Variants in AGPS observed in about 807,000 individuals in gnomAD.
AGPS encodes alkylglycerone phosphate synthase.
In AGPS, 26 loss-of-function variants were observed where a neutral mutation model predicts 90.7. That is an observed-to-expected ratio of 0.29 (90% CI 0.21 to 0.40). The LOEUF is 0.40. AGPS is among the 10% of genes least tolerant of loss of function. AGPS has a pLI of 1.00. For missense variants in AGPS, 540 were observed against 816.1 expected, an observed-to-expected ratio of 0.66 and a Z score of 4.12; for synonymous variants, 294 against 285.3, an observed-to-expected ratio of 1.03 and a Z score of -0.31.
intron 19 of AGPS, among the ~76,000 whole-genome samples, chr2:177,530,712 A>G (rs1278132202): frequency 2.0e-5 from 3 of 152,216 alleles, no homozygotes; most frequent in Non-Finnish European, 4.4e-5. Context: ...GTCTGCCTAC[A>G]ATCATGCTGT....
chr2:177,485,513 GTA>G (rs1210260166), intron 11 of AGPS, among the ~76,000 whole-genome samples: 1 of 152,178 alleles, frequency 6.6e-6, no homozygotes, highest in Non-Finnish European at 1.5e-5. Flanking sequence ...TGAAAAGCAA[GTA>G]TGGAATTTTC....
intron 12 of AGPS, among the ~76,000 whole-genome samples, chr2:177,495,782 T>C (rs569166657): frequency 1.3e-5 from 2 of 150,696 alleles, no homozygotes; most frequent in East Asian, 3.9e-4. Flanking sequence ...GCTGGGCATG[T>C]TGGCGAGCAC....
At chr2:177,467,298 A>G (rs944466606) in intron 9 of AGPS, among the ~76,000 whole-genome samples, 1 of 152,228 alleles carries the variant, frequency 6.6e-6, no homozygotes, top group African/African-American at 2.4e-5. Context: ...GAGTTATATA[A>G]TTCTTTTATT....
intron 18 of AGPS, among the ~76,000 whole-genome samples, chr2:177,522,623 T>G (rs1689230936): frequency 6.6e-6 from 1 of 152,054 alleles, no homozygotes; most frequent in Non-Finnish European, 1.5e-5. Context: ...CTGGCTAATT[T>G]TTTGTATTTT....
At chr2:177,434,996 G>GT (rs1559044446) in intron 3 of AGPS, among the ~76,000 whole-genome samples, 3 of 2,962 alleles carry the variant, frequency 1.0e-3, no homozygotes, top group Admixed American at 6.8e-3. Context: ...TTAAACTGTA[G>GT]GTATATATAT....
At chr2:177,531,247 A>G (rs1574037363) in intron 19 of AGPS, among the ~76,000 whole-genome samples, 1 of 152,330 alleles carries the variant, frequency 6.6e-6, no homozygotes, top group East Asian at 1.9e-4. Flanking sequence ...TGTAGGTGCC[A>G]TTATTGACTA....
rs545764546 is a variant in AGPS, at chr2:177,421,852, T to A, written c.350+1494T>A. On this transcript the variant is annotated intron_variant, in intron 2 of 19. Coordinates refer to ENST00000264167, the MANE Select transcript of AGPS (RefSeq NM_003659.4). ...CTCTCTTCTCGGACACTGTCCTCAT[T>A]TCTCCTTCTCTTTTTCTCTGTGTTT... Among the ~76,000 whole-genome samples the A allele has an allele frequency of 8.5e-5, 13 of 152,302 alleles. No individual in the cohort carries two copies. The East Asian group carries it at 2.5e-3, about 29-fold the overall frequency.
chr2:177,398,139 A>G (rs1185032434), intron 1 of AGPS, among the ~76,000 whole-genome samples: 2 of 152,264 alleles, frequency 1.3e-5, no homozygotes, highest in Non-Finnish European at 2.9e-5. Flanking sequence ...ATATTTCCCA[A>G]GAGGGTATCC....
In AGPS at chr2:177,497,835, G is replaced by A; in HGVS notation, c.1362+70G>A. 3.7e-6 allele frequency: 3 copies of A among 804,286 alleles called. No individual in the cohort carries two copies. The South Asian group carries it at 5.2e-5, about 14-fold the overall frequency. 49.8% of individuals were successfully genotyped at this position (804,286 alleles called of 1,614,324 possible). A position where few individuals can be genotyped will look rare whatever the true frequency, so the allele number is the denominator to read the frequency against. ...TCTGTTTTCTGCTTTCTTCCCACAT[G>A]CACCTATTGTAAGGGTGTTTTTCCA... On this transcript the variant is annotated intron_variant, in intron 13 of 19. Coordinates refer to ENST00000264167, the MANE Select transcript of AGPS (RefSeq NM_003659.4).
At chr2:177,483,150 A>G (rs536600147) in intron 11 of AGPS, among the ~76,000 whole-genome samples, 2 of 152,312 alleles carry the variant, frequency 1.3e-5, no homozygotes, top group African/African-American at 4.8e-5. Flanking sequence ...CAAGTAGTCT[A>G]TGTTTATCTT....
intron 1 of AGPS, among the ~76,000 whole-genome samples, chr2:177,419,696 C>T (rs1224780970): frequency 1.3e-5 from 2 of 151,702 alleles, no homozygotes; most frequent in Non-Finnish European, 3.0e-5. Flanking sequence ...TGAGTATGGC[C>T]ATTAACTGTT....
rs554164770 is a variant in AGPS at position 177,479,798 on chromosome 2, T to C, written c.1106-2261T>C. Among the ~76,000 whole-genome samples, 121 of 152,304 alleles carry C rather than the reference T, an allele frequency of 7.9e-4. 1 individual carries two copies. Among genetic ancestry groups the C allele is most frequent in the African/African-American group, 2.9e-3 (120 of 41,568 alleles). ...GTAGAAATGGAGAGGGTTTGTTTAG[T>C]GGATATGGTTTCTTTTTTGGGATGA... On this transcript the variant is annotated intron_variant, in intron 10 of 19. Coordinates refer to ENST00000264167, the MANE Select transcript of AGPS (RefSeq NM_003659.4).
intron 1 of AGPS, among the ~76,000 whole-genome samples, chr2:177,408,866 G>A (rs1242968620): frequency 6.6e-6 from 1 of 152,182 alleles, no homozygotes; most frequent in African/African-American, 2.4e-5. Context: ...TTAAGGTAAT[G>A]CTTACCCACA....
intron 2 of AGPS, among the ~76,000 whole-genome samples, chr2:177,423,840 A>T (rs1686000051): frequency 6.6e-6 from 1 of 151,974 alleles, no homozygotes. Flanking sequence ...AAATCTCTAG[A>T]TTTATCACTT....
At chr2:177,443,961 G>A (rs1317089748) in intron 7 of AGPS, among the ~76,000 whole-genome samples, 1 of 152,184 alleles carries the variant, frequency 6.6e-6, no homozygotes, top group African/African-American at 2.4e-5. Flanking sequence ...TATTTAGAAT[G>A]AGTATGTAAT....
At chr2:177,517,162 A>G (rs902566411) in intron 17 of AGPS, among the ~76,000 whole-genome samples, 8 of 151,988 alleles carry the variant, frequency 5.3e-5, no homozygotes, top group Admixed American at 4.6e-4. Context: ...GCATATGGAG[A>G]TTTGACTATG....
intron 11 of AGPS, among the ~76,000 whole-genome samples, chr2:177,488,486 G>A (rs1233676072): frequency 1.3e-5 from 2 of 152,162 alleles, no homozygotes; most frequent in African/African-American, 4.8e-5. Context: ...AAAGTGCTGG[G>A]ATTTGAACTT....
At chr2:177,432,140 T>C (rs867966109) in intron 2 of AGPS, among the ~76,000 whole-genome samples, 5 of 152,326 alleles carry the variant, frequency 3.3e-5, no homozygotes, top group Middle Eastern at 3.4e-3. Flanking sequence ...TGCACTTCCC[T>C]CTTGGATAAT....
intron 12 of AGPS, among the ~76,000 whole-genome samples, chr2:177,494,773 C>G (rs1688365863): frequency 6.6e-6 from 1 of 152,138 alleles, no homozygotes; most frequent in Non-Finnish European, 1.5e-5. Context: ...CTTTACTTAG[C>G]CACCAAAGTG....
Sources: gnomAD v4.1 joint callset for allele counts (sites outside exome capture counted in the v4.1 genomes callset) on GRCh38, gnomAD v4.1.1 for gene constraint, MANE v1.5 for transcripts, NCBI Gene and HGNC (gene_info 2026-07-23, HGNC 2026-07-21) for gene names.